The following CTNNA3 variants were observed in gnomAD, a reference collection of about 807,000 sequenced individuals.
CTNNA3 encodes the protein catenin alpha-3.
In CTNNA3, 76 loss-of-function variants were observed where a neutral mutation model predicts 95.7. The observed-to-expected ratio is 0.79, with a 90% CI of 0.66 to 0.96. The LOEUF is 0.96. Among genes scored for constraint, CTNNA3 ranks in the 40% least tolerant of loss-of-function variants. The probability of loss-of-function intolerance (pLI) is 0.00; values close to 1 mark genes in which losing one functional copy is unlikely to be tolerated. For synonymous variants in CTNNA3, 431 were observed against 374.4 expected (o/e 1.15, Z -1.74); for missense variants, 1,191 against 1,089.8 (o/e 1.09, Z -1.31).
At chr10:66,064,080 G>A (rs989128885) in intron 15 of CTNNA3, among the ~76,000 whole-genome samples, 5 of 152,196 alleles carry the variant, frequency 3.3e-5, no homozygotes, top group African/African-American at 9.6e-5. Flanking sequence ...CCGCATGGCT[G>A]GGGAGCCCTC....
chr10:66,867,718 C>T (rs554368505), intron 7 of CTNNA3, among the ~76,000 whole-genome samples: 3 of 151,820 alleles, frequency 2.0e-5, no homozygotes, highest in Non-Finnish European at 4.4e-5. Flanking sequence ...TATCAATGAA[C>T]AAAATAAACA....
At chr10:66,038,095 C>T (rs1273267646) in intron 15 of CTNNA3, among the ~76,000 whole-genome samples, 8 of 152,150 alleles carry the variant, frequency 5.3e-5, no homozygotes, top group African/African-American at 1.9e-4. Flanking sequence ...AAATGTGCAA[C>T]AAATATAAAG....
chr10:67,051,484 G>A (rs1855095511), intron 7 of CTNNA3, among the ~76,000 whole-genome samples: 1 of 146,674 alleles, frequency 6.8e-6, no homozygotes, highest in South Asian at 2.1e-4. Context: ...TTTGGTGACG[G>A]AGTCTCACCC....
At chr10:66,403,426 G>C (rs1053166227) in intron 11 of CTNNA3, among the ~76,000 whole-genome samples, 1 of 152,084 alleles carries the variant, frequency 6.6e-6, no homozygotes, top group African/African-American at 2.4e-5. Context: ...AAATCATGGC[G>C]GAAGGTGAAG....
chr10:67,206,168 G>A (rs1175453959), intron 6 of CTNNA3, among the ~76,000 whole-genome samples: 7 of 152,152 alleles, frequency 4.6e-5, no homozygotes, highest in Non-Finnish European at 1.0e-4. Context: ...TACCAGGTGA[G>A]TTTAGGATGA....
chr10:66,806,391 T>C (rs1418290411), intron 7 of CTNNA3, among the ~76,000 whole-genome samples: 2 of 151,736 alleles, frequency 1.3e-5, no homozygotes, highest in African/African-American at 2.4e-5. Flanking sequence ...GAGAGATAAA[T>C]AAGAGTCTTT....
intron 7 of CTNNA3, among the ~76,000 whole-genome samples, chr10:66,969,706 C>T (rs1849617520): frequency 6.6e-6 from 1 of 152,116 alleles, no homozygotes; most frequent in African/African-American, 2.4e-5. Context: ...AGCTGATATA[C>T]TTCAAACTTG....
intron 5 of CTNNA3, among the ~76,000 whole-genome samples, chr10:67,440,067 A>G (rs971944432): frequency 6.6e-6 from 1 of 151,998 alleles, no homozygotes; most frequent in African/African-American, 2.4e-5. Flanking sequence ...GTTCTTAAAC[A>G]GAATTTCTGG....
chr10:66,237,922 A>T (rs1186204062), intron 13 of CTNNA3, among the ~76,000 whole-genome samples: 2 of 152,122 alleles, frequency 1.3e-5, no homozygotes, highest in Non-Finnish European at 2.9e-5. Flanking sequence ...TCTTCTAAGA[A>T]AATAAATTTA....
intron 3 of CTNNA3, among the ~76,000 whole-genome samples, chr10:67,563,675 C>A (rs1374570421): frequency 6.6e-6 from 1 of 152,040 alleles, no homozygotes; most frequent in Non-Finnish European, 1.5e-5. Context: ...TTCTGCACAG[C>A]AAAAGAAACT....
intron 7 of CTNNA3, among the ~76,000 whole-genome samples, chr10:67,131,013 A>C (rs1192813263): frequency 6.6e-6 from 1 of 152,104 alleles, no homozygotes; most frequent in Admixed American, 6.6e-5. Context: ...TTGATTCAAA[A>C]AATTAAAGAA....
At chr10:66,904,679 CA>C (rs887614663) in intron 7 of CTNNA3, among the ~76,000 whole-genome samples, 6 of 151,988 alleles carry the variant, frequency 3.9e-5, no homozygotes, top group Admixed American at 2.6e-4. Flanking sequence ...AAGAAAAAAA[CA>C]AACAACCCCA....
At chr10:66,551,177 T>C (rs1842204608) in intron 10 of CTNNA3, among the ~76,000 whole-genome samples, 1 of 152,262 alleles carries the variant, frequency 6.6e-6, no homozygotes, top group African/African-American at 2.4e-5. Context: ...ATCTGGAAGG[T>C]AATAATTTTT....
intron 13 of CTNNA3, among the ~76,000 whole-genome samples, chr10:66,160,802 T>G (rs1289701967): frequency 2.0e-5 from 3 of 152,120 alleles, no homozygotes; most frequent in African/African-American, 7.2e-5. Flanking sequence ...ACTATTACTG[T>G]GTTCTGTCTA....
chr10:67,617,405 C>T (rs549866844), intron 2 of CTNNA3, among the ~76,000 whole-genome samples: 15 of 151,858 alleles, frequency 9.9e-5, no homozygotes, highest in African/African-American at 1.7e-4. Context: ...GCCTCCAGCT[C>T]CTTCCATGTT....
chr10:67,364,769 G>A (rs1355956809), intron 5 of CTNNA3, among the ~76,000 whole-genome samples: 1 of 152,112 alleles, frequency 6.6e-6, no homozygotes, highest in Non-Finnish European at 1.5e-5. Context: ...TGGATAGGAA[G>A]AATCAAAATC....
chr10:67,181,171 C>T (rs897696432), intron 6 of CTNNA3, among the ~76,000 whole-genome samples: 1 of 152,176 alleles, frequency 6.6e-6, no homozygotes, highest in South Asian at 2.1e-4. Flanking sequence ...TTAACTTTAA[C>T]ACTAACATAT....
At chr10:66,540,121 G>A (rs2660007) in intron 10 of CTNNA3, among the ~76,000 whole-genome samples, 108,655 of 151,958 alleles carry the variant, frequency 0.72, 40,367 homozygotes, top group Non-Finnish European at 0.8. Context: ...TAAACATTGG[G>A]AATATAAGTA....
At chr10:67,024,931 G>A (rs1342972349) in intron 7 of CTNNA3, among the ~76,000 whole-genome samples, 2 of 151,962 alleles carry the variant, frequency 1.3e-5, no homozygotes, top group African/African-American at 2.4e-5. Context: ...CGGAGTTTGA[G>A]ACCAGCCTGA....
Sources: gnomAD v4.1 joint callset for allele counts (sites outside exome capture counted in the v4.1 genomes callset) on GRCh38, gnomAD v4.1.1 for gene constraint, MANE v1.5 for transcripts, NCBI Gene and HGNC (gene_info 2026-07-23, HGNC 2026-07-21) for gene names.